Variants in DLGAP2 observed in about 807,000 individuals in gnomAD.
DLGAP2 encodes disks large-associated protein 2.
A neutral mutation model predicts 100.3 loss-of-function variants in DLGAP2; 26 were observed. That is an observed-to-expected ratio of 0.26 (90% CI 0.19 to 0.36). DLGAP2 has a LOEUF of 0.36. Ranked by LOEUF, DLGAP2 falls within the 10% of genes least tolerant of loss-of-function variation. DLGAP2 has a pLI of 1.00. For missense variants in DLGAP2, 1,858 were observed against 1,453.2 expected (o/e 1.28, Z -4.53); for synonymous variants, 886 against 630.1 (o/e 1.41, Z -6.08).
chr8:1,592,767 T>C (rs1410814081), intron 6 of DLGAP2, among the ~76,000 whole-genome samples: 1 of 152,202 alleles, frequency 6.6e-6, no homozygotes, highest in Non-Finnish European at 1.5e-5. Flanking sequence ...GGAAGGGCAA[T>C]ATAAACTCAT....
intron 5 of DLGAP2, among the ~76,000 whole-genome samples, chr8:1,550,837 T>C (rs1331761532): frequency 6.6e-6 from 1 of 152,180 alleles, no homozygotes; most frequent in Non-Finnish European, 1.5e-5. Flanking sequence ...CATCAGTCGA[T>C]AGCGCTGTTA....
At chr8:880,317 C>A (rs1300790642) in intron 1 of DLGAP2, among the ~76,000 whole-genome samples, 1 of 152,216 alleles carries the variant, frequency 6.6e-6, no homozygotes, top group Non-Finnish European at 1.5e-5. Flanking sequence ...GGCCATGCGT[C>A]TTCTAGAATG....
intron 3 of DLGAP2, among the ~76,000 whole-genome samples, chr8:1,477,416 T>C (rs1049927587): frequency 1.3e-5 from 2 of 152,192 alleles, no homozygotes; most frequent in Non-Finnish European, 2.9e-5. Context: ...CCCACCCCTG[T>C]GAATCTCCGC....
At chr8:1,478,230 C>T (rs1451805475) in intron 3 of DLGAP2, among the ~76,000 whole-genome samples, 1 of 152,314 alleles carries the variant, frequency 6.6e-6, no homozygotes, top group East Asian at 1.9e-4. Flanking sequence ...CAGACTGGGA[C>T]ACTGGTGGCT....
rs111948377 is a variant in DLGAP2 at position 1,644,144 on chromosome 8, T to C, written c.1810+11098T>C. Among the ~76,000 whole-genome samples, 217 of 146,302 alleles carry C rather than the reference T, an allele frequency of 1.5e-3. 11 individuals are homozygous for C. Among genetic ancestry groups the C allele is most frequent in the Middle Eastern group, 7.2e-3 (2 of 278 alleles). ...CCTCACCTGTGTCACCCCTCGGGGC[T>C]GAAACCATTTTAAGTGCTCACCTGG... On this transcript the variant is annotated intron_variant, in intron 8 of 14. Coordinates refer to ENST00000637795, the MANE Select transcript of DLGAP2 (RefSeq NM_001346810.2).
intron 3 of DLGAP2, among the ~76,000 whole-genome samples, chr8:1,274,688 C>A (rs1585213989): frequency 3.8e-5 from 2 of 53,254 alleles, no homozygotes; most frequent in East Asian, 1.0e-3. Context: ...TAGTTGTTTT[C>A]ATTTATCTTT....
At chr8:1,178,415 G>A (rs986782813) in intron 2 of DLGAP2, among the ~76,000 whole-genome samples, 3 of 152,020 alleles carry the variant, frequency 2.0e-5, no homozygotes, top group Non-Finnish European at 4.4e-5. Flanking sequence ...ATGGATTTGG[G>A]GGTTGGTGCC....
At chr8:1,360,397 C>T (rs1285380500) in intron 3 of DLGAP2, among the ~76,000 whole-genome samples, 1 of 152,142 alleles carries the variant, frequency 6.6e-6, no homozygotes, top group Non-Finnish European at 1.5e-5. Flanking sequence ...CTGTCTGAGC[C>T]TGTGTTGGAG....
intron 1 of DLGAP2, among the ~76,000 whole-genome samples, chr8:881,883 A>G (rs533206311): frequency 1.3e-5 from 2 of 152,186 alleles, no homozygotes; most frequent in South Asian, 4.1e-4. Flanking sequence ...GTGAAGTGTC[A>G]CAGAGAAAAT....
chr8:1,257,496 C>T (rs1342588008), intron 2 of DLGAP2, among the ~76,000 whole-genome samples: 4 of 137,332 alleles, frequency 2.9e-5, no homozygotes, highest in Non-Finnish European at 3.3e-5. Context: ...CCACCTTGTC[C>T]GTGCCTTTCC....
In DLGAP2 at chr8:1,668,545, C is replaced by T. The variant is rs776882325; in HGVS notation, c.2027C>T (p.Ala676Val). The T allele has an allele frequency of 6.9e-6, 11 of 1,591,042 alleles. No homozygotes were observed. The highest frequency in any genetic ancestry group is 4.6e-5 in the East Asian group (2 of 43,266). The stretch of plus-strand genomic sequence containing the variant: ...GACAGCAACAAGGCCATGAACCTCG[C>T]GCTGGAAACGGCCGCTGCCCAGCGC... ...SLDSNKAMNL[A>V]LETAAAQRHL... The change falls in exon 9 of 15, where the codon GCG (alanine) becomes GTG (valine). Residue 676 changes from alanine to valine, a missense_variant. Ala to Val is a moderately conservative substitution (Grantham distance 64, BLOSUM62 0). Transcript: ENST00000637795.
chr8:1,044,712 G>A (rs1459883173), intron 2 of DLGAP2, among the ~76,000 whole-genome samples: 1 of 152,182 alleles, frequency 6.6e-6, no homozygotes, highest in Non-Finnish European at 1.5e-5. Context: ...TTTCTGCTGA[G>A]CTACTCCTTG....
intron 2 of DLGAP2, among the ~76,000 whole-genome samples, chr8:1,158,317 A>G (rs1460287164): frequency 1.3e-5 from 2 of 152,220 alleles, no homozygotes; most frequent in African/African-American, 4.8e-5. Flanking sequence ...ATGTGCGTAC[A>G]TGTATCTGTG....
intron 3 of DLGAP2, among the ~76,000 whole-genome samples, chr8:1,492,376 T>G (rs1799413150): frequency 6.6e-6 from 1 of 152,108 alleles, no homozygotes; most frequent in African/African-American, 2.4e-5. Flanking sequence ...GCGGCTCAAA[T>G]GTAGGCTCGA....
At chr8:1,193,141 A>G (rs912062440) in intron 2 of DLGAP2, among the ~76,000 whole-genome samples, 6 of 152,154 alleles carry the variant, frequency 3.9e-5, no homozygotes, top group Non-Finnish European at 8.8e-5. Context: ...ATACGTGTGC[A>G]TGTGTCTTTA....
chr8:1,084,587 C>G (rs1803913917), intron 2 of DLGAP2, among the ~76,000 whole-genome samples: 1 of 152,186 alleles, frequency 6.6e-6, no homozygotes, highest in Non-Finnish European at 1.5e-5. Context: ...TCTGTGCTTT[C>G]AGTAGTTTTA....
At chr8:1,106,899 G>A (rs573454047) in intron 2 of DLGAP2, among the ~76,000 whole-genome samples, 19 of 152,336 alleles carry the variant, frequency 1.2e-4, no homozygotes, top group Admixed American at 6.5e-5. Flanking sequence ...GGACTCTGTA[G>A]AGGATAAGAC....
intron 1 of DLGAP2, among the ~76,000 whole-genome samples, chr8:830,431 C>T (rs1585909162): frequency 1.3e-5 from 2 of 152,322 alleles, no homozygotes; most frequent in East Asian, 3.9e-4. Flanking sequence ...CACTAACCAT[C>T]CCCACTTACT....
At chr8:1,168,565 T>C (rs1310323700) in intron 2 of DLGAP2, among the ~76,000 whole-genome samples, 1 of 147,122 alleles carries the variant, frequency 6.8e-6, no homozygotes, top group Non-Finnish European at 1.5e-5. Flanking sequence ...TTTTTAATGA[T>C]CGCCATTCTA....
Sources: allele counts gnomAD v4.1 joint callset (sites outside exome capture counted in the v4.1 genomes callset), GRCh38; gene constraint gnomAD v4.1.1; transcripts MANE v1.5; gene names NCBI Gene and HGNC (gene_info 2026-07-23, HGNC 2026-07-21).